The following PCLO variants were observed in gnomAD, a reference collection of about 807,000 sequenced individuals.
PCLO encodes the protein protein piccolo.
In PCLO, 82 loss-of-function variants were observed where a neutral mutation model predicts 427.5. The ratio of observed to expected loss-of-function variants is 0.19; its 90% CI spans 0.16 to 0.23. PCLO has a LOEUF of 0.23. PCLO is among the 10% of genes least tolerant of loss of function. The probability of loss-of-function intolerance (pLI) is 1.00; values close to 1 mark genes in which losing one functional copy is unlikely to be tolerated. For synonymous variants in PCLO, 2,357 were observed against 2,155.4 expected (o/e 1.09, Z -2.59); for missense variants, 6,239 against 6,115.9 (o/e 1.02, Z -0.67).
intron 3 of PCLO, among the ~76,000 whole-genome samples, chr7:82,988,898 G>C (rs549479231): frequency 6.6e-6 from 1 of 151,622 alleles, no homozygotes; most frequent in East Asian, 1.9e-4. Flanking sequence ...GCAGTGGCGC[G>C]ATCTCGGCTC....
rs192967086 is a variant in PCLO, at chr7:83,033,869, T to C, written c.3301-67382A>G. ...ACAATGCTATTGCTCACCCAGGCTATTGTTAATTTTACCATATTCCTTCTC... is the reference window on the plus strand; with the variant it reads ...ACAATGCTATTGCTCACCCAGGCTACTGTTAATTTTACCATATTCCTTCTC... On this transcript the variant is annotated intron_variant, in intron 3 of 24. Coordinates refer to ENST00000333891, the MANE Select transcript of PCLO (RefSeq NM_033026.6). Among the ~76,000 whole-genome samples, 41 of 152,322 alleles carry C rather than the reference T, an allele frequency of 2.7e-4. 1 individual carries two copies. The highest frequency in any genetic ancestry group is 4.1e-4 in the South Asian group (2 of 4,832).
intron 3 of PCLO, among the ~76,000 whole-genome samples, chr7:83,133,739 A>C (rs1791633614): frequency 6.6e-6 from 1 of 152,024 alleles, no homozygotes; most frequent in African/African-American, 2.4e-5. Context: ...AAAGTTCTTA[A>C]CAGTTTTTAA....
intron 2 of PCLO, among the ~76,000 whole-genome samples, chr7:83,148,246 T>C (rs1350460727): frequency 1.3e-5 from 2 of 152,160 alleles, no homozygotes; most frequent in African/African-American, 4.8e-5. Flanking sequence ...AAGTAACTTA[T>C]CAATTTCAGA....
chr7:82,963,542 T>A (rs989445278), intron 4 of PCLO, among the ~76,000 whole-genome samples: 12 of 152,090 alleles, frequency 7.9e-5, no homozygotes, highest in African/African-American at 2.7e-4. Context: ...TATCTTTTTT[T>A]CCTGCTCTGA....
intron 3 of PCLO, among the ~76,000 whole-genome samples, chr7:83,054,208 A>G (rs902583176): frequency 5.3e-5 from 8 of 152,060 alleles, no homozygotes; most frequent in Admixed American, 4.6e-4. Flanking sequence ...AAAAAATTCT[A>G]CCTTTTCTAT....
At chr7:83,028,400 G>A (rs1788562682) in intron 3 of PCLO, among the ~76,000 whole-genome samples, 1 of 146,870 alleles carries the variant, frequency 6.8e-6, no homozygotes, top group Non-Finnish European at 1.5e-5. Context: ...CAACTTACAA[G>A]GGATGTGAAG....
intron 6 of PCLO, among the ~76,000 whole-genome samples, chr7:82,937,315 C>A (rs1415547369): frequency 6.6e-6 from 1 of 150,682 alleles, no homozygotes; most frequent in Admixed American, 6.6e-5. Context: ...CATGGTAATG[C>A]CTGTTAACAT....
intron 15 of PCLO, among the ~76,000 whole-genome samples, chr7:82,837,506 T>C (rs1346319022): frequency 6.6e-6 from 1 of 152,042 alleles, no homozygotes; most frequent in East Asian, 1.9e-4. Context: ...AAGTGAAGGA[T>C]AATAATTTGT....
intron 6 of PCLO, among the ~76,000 whole-genome samples, chr7:82,926,612 C>A (rs778366690): frequency 2.6e-5 from 4 of 152,100 alleles, no homozygotes; most frequent in African/African-American, 9.7e-5. Context: ...TTCCTTAATG[C>A]GCCTCTTGTC....
At chr7:83,094,533 A>G (rs1033040489) in intron 3 of PCLO, among the ~76,000 whole-genome samples, 3 of 152,118 alleles carry the variant, frequency 2.0e-5, no homozygotes, top group Non-Finnish European at 4.4e-5. Context: ...AACTCAGCAT[A>G]GTTCTCTGGA....
chr7:82,865,053 T>A lies in PCLO; in HGVS notation c.13654+14284A>T, dbSNP rs575062343. Among the ~76,000 whole-genome samples, 14 of 152,286 alleles carry A rather than the reference T, an allele frequency of 9.2e-5. No homozygotes were observed. The South Asian group carries it at 2.9e-3, about 32-fold the overall frequency. ...AAATAAAGTGATATTGATACAGCCATAATTTTCTTAAATAAAGAAGTATTA... is the reference window on the plus strand; with the variant it reads ...AAATAAAGTGATATTGATACAGCCAAAATTTTCTTAAATAAAGAAGTATTA... On this transcript the variant is annotated intron_variant, in intron 10 of 24. Coordinates refer to ENST00000333891, the MANE Select transcript of PCLO (RefSeq NM_033026.6).
At chr7:83,152,790 T>C (rs1792170752) in intron 2 of PCLO, among the ~76,000 whole-genome samples, 1 of 152,210 alleles carries the variant, frequency 6.6e-6, no homozygotes, top group Non-Finnish European at 1.5e-5. Context: ...TATTCATATC[T>C]CTCACAGCTC....
chr7:83,133,391 A>G (rs1310436633), intron 3 of PCLO, among the ~76,000 whole-genome samples: 1 of 152,142 alleles, frequency 6.6e-6, no homozygotes, highest in African/African-American at 2.4e-5. Context: ...TATTTAAGAC[A>G]GCAGTAATTG....
At chr7:83,061,220 T>C (rs1384609054) in intron 3 of PCLO, among the ~76,000 whole-genome samples, 1 of 152,198 alleles carries the variant, frequency 6.6e-6, no homozygotes, top group African/African-American at 2.4e-5. Flanking sequence ...CTTGGGTCCT[T>C]TTCCCCCATT....
intron 9 of PCLO, among the ~76,000 whole-genome samples, chr7:82,898,545 T>C (rs1793962513): frequency 6.6e-6 from 1 of 151,448 alleles, no homozygotes; most frequent in African/African-American, 2.4e-5. Flanking sequence ...AATAGGTTTA[T>C]GTAACCAAAA....
intron 3 of PCLO, among the ~76,000 whole-genome samples, chr7:83,094,063 T>C (rs768226750): frequency 6.6e-6 from 1 of 151,886 alleles, no homozygotes; most frequent in Non-Finnish European, 1.5e-5. Flanking sequence ...TGCTTTTTTA[T>C]AGCCATACCC....
chr7:82,872,930 G>A (rs955475067), intron 10 of PCLO, among the ~76,000 whole-genome samples: 33 of 152,054 alleles, frequency 2.2e-4, no homozygotes, highest in African/African-American at 8.0e-4. Flanking sequence ...TAAGCAAAAC[G>A]AATCTTATAT....
intron 8 of PCLO, among the ~76,000 whole-genome samples, chr7:82,903,336 TG>T (rs1433416027): frequency 2.6e-5 from 4 of 152,010 alleles, no homozygotes; most frequent in Non-Finnish European, 5.9e-5. Flanking sequence ...ATAAAGATTT[TG>T]TTCACTTTAA....
At chr7:83,031,757 TCA>T (rs1271472640) in intron 3 of PCLO, among the ~76,000 whole-genome samples, 3 of 142,402 alleles carry the variant, frequency 2.1e-5, no homozygotes, top group South Asian at 2.4e-4. Flanking sequence ...TCTCTCTCTC[TCA>T]CACACACACG....
Sources: gnomAD v4.1 joint callset for allele counts (sites outside exome capture counted in the v4.1 genomes callset) on GRCh38, gnomAD v4.1.1 for gene constraint, MANE v1.5 for transcripts, NCBI Gene and HGNC (gene_info 2026-07-23, HGNC 2026-07-21) for gene names.